The following MAGI2 variants were observed in gnomAD, a reference collection of about 807,000 sequenced individuals.
The protein encoded by MAGI2 is membrane-associated guanylate kinase, WW and PDZ domain-containing protein 2.
In MAGI2, 35 loss-of-function variants were observed where a neutral mutation model predicts 133.3. The ratio of observed to expected loss-of-function variants is 0.26; its 90% confidence interval spans 0.20 to 0.35. The LOEUF is 0.35. MAGI2 is among the 10% of genes least tolerant of loss of function. The pLI, the probability that MAGI2 is intolerant of heterozygous loss-of-function variation, is 1.00. For missense variants in MAGI2, 1,636 were observed against 1,863.4 expected, an observed-to-expected ratio of 0.88 and a Z score of 2.25; for synonymous variants, 729 against 710.6, an observed-to-expected ratio of 1.03 and a Z score of -0.41.
chr7:78,582,686 G>A (rs912029038), intron 3 of MAGI2, among the ~76,000 whole-genome samples: 2 of 152,090 alleles, frequency 1.3e-5, no homozygotes, highest in African/African-American at 4.8e-5. Flanking sequence ...ATTTTTATTG[G>A]GTTAAAACAT....
intron 18 of MAGI2, among the ~76,000 whole-genome samples, chr7:78,131,658 A>G (rs1019392622): frequency 4.6e-5 from 7 of 152,152 alleles, no homozygotes; most frequent in African/African-American, 1.4e-4. Context: ...ACATGTCTTC[A>G]TCTTTCTCTT....
intron 1 of MAGI2, among the ~76,000 whole-genome samples, chr7:79,380,895 G>A (rs1191735871): frequency 6.6e-6 from 1 of 151,694 alleles, no homozygotes; most frequent in Non-Finnish European, 1.5e-5. Flanking sequence ...AGTAAACATT[G>A]TTTTAAAGTA....
intron 2 of MAGI2, among the ~76,000 whole-genome samples, chr7:78,819,880 A>T (rs570924275): frequency 3.3e-5 from 5 of 152,188 alleles, no homozygotes; most frequent in Admixed American, 2.0e-4. Context: ...TCTAATAAAT[A>T]AATTAATTAA....
chr7:78,625,072 C>G (rs573434109), intron 3 of MAGI2, among the ~76,000 whole-genome samples: 1 of 152,172 alleles, frequency 6.6e-6, no homozygotes, highest in African/African-American at 2.4e-5. Flanking sequence ...GACAGTGATA[C>G]TGATGATCCT....
intron 6 of MAGI2, among the ~76,000 whole-genome samples, chr7:78,437,054 GA>G (rs1272222787): frequency 3.9e-5 from 6 of 152,100 alleles, no homozygotes; most frequent in Non-Finnish European, 8.8e-5. Flanking sequence ...GGTTCAGACT[GA>G]GGTGTGGGAG....
chr7:79,443,829 T>G, intron 1 of MAGI2, among the ~76,000 whole-genome samples: 1 of 152,252 alleles, frequency 6.6e-6, no homozygotes, highest in South Asian at 2.1e-4. Context: ...AAAAATAGAT[T>G]TTTAAATATA....
At chr7:78,212,043 A>C (rs1787812981) in intron 10 of MAGI2, among the ~76,000 whole-genome samples, 1 of 152,202 alleles carries the variant, frequency 6.6e-6, no homozygotes, top group Non-Finnish European at 1.5e-5. Context: ...AATTGCTTCT[A>C]ACTTTGCATT....
chr7:78,368,181 TC>T (rs1349144380), intron 7 of MAGI2, among the ~76,000 whole-genome samples: 1 of 152,226 alleles, frequency 6.6e-6, no homozygotes, highest in Non-Finnish European at 1.5e-5. Flanking sequence ...ATTTTACTTA[TC>T]TGTACATTTT....
At chr7:79,350,575 TA>T (rs540194797) in intron 1 of MAGI2, among the ~76,000 whole-genome samples, 4 of 151,998 alleles carry the variant, frequency 2.6e-5, no homozygotes, top group South Asian at 2.1e-4. Flanking sequence ...TTACAGATGT[TA>T]AAAAAAATAA....
intron 3 of MAGI2, among the ~76,000 whole-genome samples, chr7:78,527,764 C>T (rs1011868845): frequency 6.6e-6 from 1 of 152,078 alleles, no homozygotes; most frequent in African/African-American, 2.4e-5. Context: ...TTTGTTATTA[C>T]TTTAGTTTAT....
chr7:79,035,212 G>A (rs541315254), intron 1 of MAGI2, among the ~76,000 whole-genome samples: 16 of 151,630 alleles, frequency 1.1e-4, no homozygotes, highest in Middle Eastern at 3.4e-3. Flanking sequence ...GTGTGGTGGC[G>A]GCGGGGGCAG....
chr7:78,093,271 A>T (rs2151222701), intron 20 of MAGI2, among the ~76,000 whole-genome samples: 1 of 151,776 alleles, frequency 6.6e-6, no homozygotes, highest in South Asian at 2.1e-4. Flanking sequence ...TAGCCTGGCC[A>T]ATATGTTGAA....
intron 2 of MAGI2, among the ~76,000 whole-genome samples, chr7:78,967,925 G>A (rs967251259): frequency 8.6e-5 from 13 of 152,006 alleles, no homozygotes; most frequent in Non-Finnish European, 1.6e-4. Context: ...CTGCCTCCTG[G>A]GTTCAAGTGA....
chr7:78,025,254 T>C (rs997847668), intron 21 of MAGI2, among the ~76,000 whole-genome samples: 1 of 152,106 alleles, frequency 6.6e-6, no homozygotes, highest in Admixed American at 6.6e-5. Flanking sequence ...ACATGGCGGG[T>C]TCTTTTTCAT....
intron 20 of MAGI2, among the ~76,000 whole-genome samples, chr7:78,085,552 A>C (rs983094774): frequency 2.4e-4 from 28 of 118,266 alleles, no homozygotes; most frequent in African/African-American, 4.7e-4. Flanking sequence ...TAAAACTCCC[A>C]CACACACACA....
intron 21 of MAGI2, among the ~76,000 whole-genome samples, chr7:78,076,643 G>A (rs543728206): frequency 6.7e-6 from 1 of 148,956 alleles, no homozygotes. Flanking sequence ...TCAGGAGATC[G>A]AGACCATCCT....
chr7:78,198,546 C>T (rs1381247863), intron 11 of MAGI2, among the ~76,000 whole-genome samples: 1 of 152,028 alleles, frequency 6.6e-6, no homozygotes, highest in Non-Finnish European at 1.5e-5. Context: ...ATCCTCCCCG[C>T]TCAGTCTCCC....
chr7:78,032,338 C>G (rs943874378), intron 21 of MAGI2, among the ~76,000 whole-genome samples: 1 of 152,130 alleles, frequency 6.6e-6, no homozygotes, highest in Non-Finnish European at 1.5e-5. Flanking sequence ...CCTCAGCCTC[C>G]CGAGTAGCTG....
At chr7:78,947,294 A>T (rs1801499500) in intron 2 of MAGI2, among the ~76,000 whole-genome samples, 1 of 152,016 alleles carries the variant, frequency 6.6e-6, no homozygotes, top group African/African-American at 2.4e-5. Flanking sequence ...CCTCACCCAA[A>T]TACGTGACAC....
Sources: allele counts gnomAD v4.1 joint callset (sites outside exome capture counted in the v4.1 genomes callset), GRCh38; gene constraint gnomAD v4.1.1; transcripts MANE v1.5; gene names NCBI Gene and HGNC (gene_info 2026-07-23, HGNC 2026-07-21).